The following TRMT10C variants were observed in gnomAD, a reference collection of about 807,000 sequenced individuals.
The protein encoded by TRMT10C is tRNA methyltransferase 10 homolog C.
A neutral mutation model predicts 27.4 loss-of-function variants in TRMT10C; 14 were observed. The ratio of observed to expected loss-of-function variants is 0.51; its 90% CI spans 0.34 to 0.80. TRMT10C has a LOEUF of 0.80. Ranked by LOEUF, TRMT10C falls within the 30% of genes least tolerant of loss-of-function variation. TRMT10C has a pLI of 0.02. For synonymous variants in TRMT10C, 143 were observed against 155.9 expected, an observed-to-expected ratio of 0.92 and a Z score of 0.62; for missense variants, 438 against 464.8, an observed-to-expected ratio of 0.94 and a Z score of 0.53.
intron 1 of TRMT10C, among the ~76,000 whole-genome samples, chr3:101,562,732 A>G: frequency 6.6e-6 from 1 of 151,960 alleles, no homozygotes; most frequent in Non-Finnish European, 1.5e-5. Context: ...GTATTAGAAA[A>G]ATATTTGCGT....
At chr3:101,564,673 A>T in intron 1 of TRMT10C, 97 bp from the exon 2 acceptor site, 1 of 1,253,382 alleles carries the variant, frequency 8.0e-7, no homozygotes, top group South Asian at 1.6e-5. Context: ...TCAAAAATTG[A>T]TTTTATTTTG....
In TRMT10C at chr3:101,565,796, G is replaced by C. The variant is rs200565950; in HGVS notation, c.1015G>C (p.Asp339His). Residue 339 changes from aspartate to histidine, a missense_variant, in exon 2 of 2, where the codon GAT becomes CAT. Around this residue, in one of 3 missense-constraint regions of TRMT10C, gnomAD observed 84 missense variants for 76.5 expected, o/e 1.10. Coordinates refer to ENST00000309922, the MANE Select transcript of TRMT10C (RefSeq NM_017819.4). Reference protein sequence around the residue: ...LNLATECLPLDKYLQWEIGNK... With the variant: ...LNLATECLPLHKYLQWEIGNK... ...CCTGGCAACTGAATGCCTTCCATTA[G>C]ATAAATATTTACAATGGGAAATTGG... 138 of 1,614,034 alleles carry C rather than the reference G, an allele frequency of 8.6e-5. No homozygotes were observed. Among genetic ancestry groups the C allele is most frequent in the South Asian group, 3.0e-4 (27 of 91,080 alleles).
chr3:101,563,008 A>G (rs9817043), intron 1 of TRMT10C, among the ~76,000 whole-genome samples: 44,865 of 152,060 alleles, frequency 0.3, 7,021 homozygotes, highest in East Asian at 0.47. Flanking sequence ...TGTTGGGAAC[A>G]ATACCAATGG....
At position 101,565,316 on chromosome 3, in the gene TRMT10C, T is replaced by A; in HGVS notation, c.535T>A (p.Phe179Ile). 5 of 1,613,560 alleles carry A rather than the reference T, an allele frequency of 3.1e-6. No individual in the cohort carries two copies. The highest frequency in any genetic ancestry group is 4.2e-6 in the Non-Finnish European group (5 of 1,179,846). Residue 179 changes from phenylalanine to isoleucine, a missense_variant, in exon 2 of 2, where the codon TTT (phenylalanine) becomes ATT (isoleucine). Transcript: ENST00000309922. ...GGAAGATAAACAGAAAAACTTTCTA[T>A]TTTTACGACTTTGGGATAGGAATAT... ...TEEDKQKNFL[F>I]LRLWDRNMDI... is the part of the protein sequence containing the mutation.
intron 1 of TRMT10C, 83 bp from the exon 2 acceptor site, chr3:101,564,687 T>A (rs1934479573): frequency 7.5e-7 from 1 of 1,337,584 alleles, no homozygotes; most frequent in African/African-American, 1.5e-5. Context: ...TATTTTGCTA[T>A]TTCAAATTTA....
chr3:101,566,038 C>T lies in TRMT10C; in HGVS notation c.*45C>T. 6.6e-7 allele frequency: 1 copy of T among 1,522,782 alleles called. No individual in the cohort carries two copies. The highest frequency in any genetic ancestry group is 8.8e-7 in the Non-Finnish European group (1 of 1,137,002). 94.3% of individuals were successfully genotyped at this position (1,522,782 alleles called of 1,614,324 possible). ...CTGAATGTGCACAGAACACGTGGCT[C>T]AAATGAGAACATTTGATGGCTTAAA... On this transcript the variant is annotated 3_prime_UTR_variant, in exon 2 of 2. Transcript: ENST00000309922.
Position 101,564,796 on chromosome 3 carries a change from C to T in TRMT10C, c.15C>T (p.Leu5=). ...GGTTTTGTTACATGGCTGCTTTCCT[C>T]AAAATGAGTGTTAGTGTCAATTTCT... MAAF[L]KMSVSVNFFR... The change falls in exon 2 of 2, where the codon CTC becomes CTT. Residue 5 remains leucine (L), a synonymous_variant. Transcript: ENST00000309922. 1 of 1,559,890 alleles carries T rather than the reference C, an allele frequency of 6.4e-7. No homozygotes were observed. The highest frequency in any genetic ancestry group is 8.7e-7 in the Non-Finnish European group (1 of 1,150,246).
chr3:101,563,449 C>T (rs1934457516), intron 1 of TRMT10C, among the ~76,000 whole-genome samples: 2 of 152,154 alleles, frequency 1.3e-5, no homozygotes, highest in South Asian at 4.1e-4. Flanking sequence ...TGAGCCACTG[C>T]ACCCGGCCTG....
chr3:101,564,372 C>T (rs562810925), intron 1 of TRMT10C, among the ~76,000 whole-genome samples: 8 of 151,850 alleles, frequency 5.3e-5, no homozygotes, highest in African/African-American at 1.4e-4. Flanking sequence ...ATTCTCCTGC[C>T]TCAGCCTCCC....
Position 101,565,946 on chromosome 3 carries a change from C to T in TRMT10C, c.1165C>T (p.Gln389Ter). Residue 389 changes from glutamine to a stop codon, truncating the protein, a stop_gained, in exon 2 of 2, where the codon CAG becomes TAG. Coordinates refer to ENST00000309922, the MANE Select transcript of TRMT10C (RefSeq NM_017819.4). LOFTEE classifies it high-confidence loss of function. ...ACATACTGGTTTTCTGGAGATTTCT[C>T]AGCATTCTCAAGAGTTTATCAACAG... Reference protein sequence around the residue: ...RKHTGFLEISQHSQEFINRLK... With the variant: ...RKHTGFLEIS 1 of 1,613,146 alleles carries T rather than the reference C, an allele frequency of 6.2e-7. No homozygotes were observed. The highest frequency in any genetic ancestry group is 1.1e-5 in the South Asian group (1 of 90,978).
chr3:101,562,490 T>C (rs1199335683), intron 1 of TRMT10C, among the ~76,000 whole-genome samples: 1 of 152,048 alleles, frequency 6.6e-6, no homozygotes, highest in Non-Finnish European at 1.5e-5. Context: ...CCGTCTGTAC[T>C]AAAAATACAA....
rs769732198 is a variant in TRMT10C, at chr3:101,564,947, C to T, written c.166C>T (p.Pro56Ser). 4.3e-6 allele frequency: 7 copies of T among 1,613,562 alleles called. No homozygotes were observed. The highest frequency in any genetic ancestry group is 1.6e-4 in the Middle Eastern group (1 of 6,084). Residue 56 changes from proline (P) to serine (S), a missense_variant, in exon 2 of 2, where the codon CCC becomes TCC. Physicochemically the swap from Pro to Ser is moderately conservative, Grantham distance 74. Around this residue, in one of 3 missense-constraint regions of TRMT10C, gnomAD observed 350 missense variants for 370.5 expected, o/e 0.94. Transcript: ENST00000309922. Reference protein sequence around the residue: ...AVTYPKNESTPPSEELELDKW... With the variant: ...AVTYPKNESTSPSEELELDKW... ...TACTTATCCTAAAAATGAGAGTACA[C>T]CCCCTTCTGAAGAGCTAGAGTTGGA...
chr3:101,563,201 C>T (rs1256798008), intron 1 of TRMT10C, among the ~76,000 whole-genome samples: 1 of 150,994 alleles, frequency 6.6e-6, no homozygotes, highest in Non-Finnish European at 1.5e-5. Context: ...CTGCAACTTC[C>T]GCCCCCCTTA....
At position 101,564,981 on chromosome 3, in the gene TRMT10C, A is replaced by T; in HGVS notation, c.200A>T (p.Lys67Ile). 2.5e-6 allele frequency: 4 copies of T among 1,613,248 alleles called. No individual in the cohort carries two copies. The highest frequency in any genetic ancestry group is 3.4e-6 in the Non-Finnish European group (4 of 1,179,280). ...PSEELELDKW[K>I]TTMKSSVQEE... ...GAAGAGCTAGAGTTGGATAAGTGGA[A>T]AACTACCATGAAATCTAGTGTGCAA... Residue 67 changes from lysine (K) to isoleucine (I), a missense_variant, in exon 2 of 2, where the codon AAA becomes ATA. This residue lies in a region of TRMT10C where 350 missense variants were observed against 370.5 expected (regional missense o/e 0.94). Coordinates refer to ENST00000309922, the MANE Select transcript of TRMT10C (RefSeq NM_017819.4).
intron 1 of TRMT10C, among the ~76,000 whole-genome samples, chr3:101,563,547 G>T (rs1934459374): frequency 6.6e-6 from 1 of 152,116 alleles, no homozygotes; most frequent in Non-Finnish European, 1.5e-5. Flanking sequence ...TGAAAAAAAA[G>T]AATAGGATAG....
Position 101,564,827 on chromosome 3 carries a change from C to T in TRMT10C, c.46C>T (p.Pro16Ser), listed in dbSNP as rs912525411. 9 of 1,611,210 alleles carry T rather than the reference C, an allele frequency of 5.6e-6. 1 individual carries two copies. The highest frequency in any genetic ancestry group is 1.7e-5 in the Admixed American group (1 of 59,704). ...GAGTGTTAGTGTCAATTTCTTCAGA[C>T]CTTTCACCAGGTTTTTGGTGCCATT... ...KMSVSVNFFR[P>S]FTRFLVPFTL... The change falls in exon 2 of 2, where the codon CCT becomes TCT. Residue 16 changes from proline to serine, a missense_variant. Physicochemically the swap from Pro to Ser is moderately conservative, Grantham distance 74. Transcript: ENST00000309922.
intron 1 of TRMT10C, among the ~76,000 whole-genome samples, chr3:101,564,256 CTTTTTTT>C (rs11410961): frequency 8.2e-6 from 1 of 121,486 alleles, no homozygotes; most frequent in Non-Finnish European, 1.7e-5. Flanking sequence ...AAGAACCCAA[CTTTTTTT>C]TTTTTTTTTT....
chr3:101,564,721 T>C, intron 1 of TRMT10C, 49 bp from the exon 2 acceptor site: 1 of 1,438,322 alleles, frequency 7.0e-7, no homozygotes, highest in African/African-American at 1.4e-5. Flanking sequence ...AGTTGAGAAG[T>C]TATAAAAATC....
rs766178988 is a variant in TRMT10C, at chr3:101,565,875, A to C, written c.1094A>C (p.Asn365Thr). ...ATACGTATTTTGTTATGTCTGAAAA[A>C]CAATGGTAATTGGCAAGAGGCTCTG... ...QMIRILLCLK[N>T]NGNWQEALQF... Residue 365 changes from asparagine to threonine, a missense_variant, in exon 2 of 2, where the codon AAC becomes ACC. Physicochemically the swap from Asn to Thr is moderately conservative, Grantham distance 65. This residue lies in a region of TRMT10C where 84 missense variants were observed against 76.5 expected (regional missense o/e 1.10). Transcript: ENST00000309922. 60 of 1,614,044 alleles carry C rather than the reference A, an allele frequency of 3.7e-5. No homozygotes were observed. The highest frequency in any genetic ancestry group is 4.7e-5 in the Non-Finnish European group (56 of 1,180,034).
Sources: allele counts gnomAD v4.1 joint callset (sites outside exome capture counted in the v4.1 genomes callset), GRCh38; gene constraint gnomAD v4.1.1; regional missense constraint gnomAD v4.1.1; transcripts MANE v1.5; gene names NCBI Gene and HGNC (gene_info 2026-07-23, HGNC 2026-07-21).